The following UBAC2 variants were observed in gnomAD, a reference collection of about 807,000 sequenced individuals.
UBAC2 encodes the protein UBA domain containing 2.
A neutral mutation model predicts 44.0 loss-of-function variants in UBAC2; 26 were observed. That is an observed-to-expected ratio of 0.59 (90% CI 0.43 to 0.82). The LOEUF (loss-of-function observed/expected upper bound fraction) is 0.82, where lower values mean the gene tolerates loss of function less well. Among genes scored for constraint, UBAC2 ranks in the 40% least tolerant of loss-of-function variants. The probability of loss-of-function intolerance (pLI) is 0.00; values close to 1 mark genes in which losing one functional copy is unlikely to be tolerated. For synonymous variants in UBAC2, 155 were observed against 154.3 expected, an observed-to-expected ratio of 1.00 and a Z score of -0.04; for missense variants, 329 against 419.4, an observed-to-expected ratio of 0.78 and a Z score of 1.88.
intron 2 of UBAC2, among the ~76,000 whole-genome samples, chr13:99,239,231 C>T (rs958237706): frequency 2.0e-5 from 3 of 152,214 alleles, no homozygotes; most frequent in East Asian, 3.8e-4. Context: ...TACCATTGCT[C>T]AGATTGGCTT....
intron 8 of UBAC2, among the ~76,000 whole-genome samples, chr13:99,379,476 A>G (rs1031406394): frequency 9.2e-5 from 14 of 152,200 alleles, no homozygotes; most frequent in African/African-American, 2.4e-4. Flanking sequence ...TCTGCAGCCA[A>G]CATGTTGAAT....
chr13:99,295,306 A>G lies in UBAC2; in HGVS notation c.390-18791A>G, dbSNP rs1488630420. The G allele has an allele frequency of 1.9e-6, 3 of 1,614,178 alleles. No individual in the cohort carries two copies. Among genetic ancestry groups the G allele is most frequent in the African/African-American group, 1.3e-5 (1 of 75,056 alleles). ...AAATCTGGAACGAATGTCTTTGGCT[A>G]CATTCCAGGAAATTAGAGAAACGAA... On this transcript the variant is annotated intron_variant, in intron 4 of 8. Coordinates refer to ENST00000403766, the MANE Select transcript of UBAC2 (RefSeq NM_001144072.2). This position sits in a 1 kb window ranked among gnomAD's most constrained non-coding sequence, Gnocchi z 4.1.
At chr13:99,308,360 T>G (rs1270701176) in intron 4 of UBAC2, among the ~76,000 whole-genome samples, 1 of 152,180 alleles carries the variant, frequency 6.6e-6, no homozygotes, top group African/African-American at 2.4e-5. Context: ...TCATTATCCT[T>G]ATGCTTGTGG....
intron 1 of UBAC2, among the ~76,000 whole-genome samples, chr13:99,213,635 C>T: frequency 6.6e-6 from 1 of 152,098 alleles, no homozygotes; most frequent in African/African-American, 2.4e-5. Flanking sequence ...GCTGGGATTA[C>T]AGGCATTAGT....
Position 99,319,050 on chromosome 13 carries a change from A to T in UBAC2, c.561+981A>T, listed in dbSNP as rs143192583. Among the ~76,000 whole-genome samples, 444 of 152,266 alleles carry T rather than the reference A, an allele frequency of 2.9e-3. 2 individuals are homozygous for T. The highest frequency in any genetic ancestry group is 0.01 in the African/African-American group (431 of 41,552). On this transcript the variant is annotated intron_variant, in intron 6 of 8. Coordinates refer to ENST00000403766, the MANE Select transcript of UBAC2 (RefSeq NM_001144072.2). Reference sequence around the variant, plus strand: ...CATTGTCACACGAGGGAAAAAAATAATGCCAACTGGAAAGTCAGGTGGGTT... The same window carrying T: ...CATTGTCACACGAGGGAAAAAAATATTGCCAACTGGAAAGTCAGGTGGGTT...
intron 6 of UBAC2, among the ~76,000 whole-genome samples, chr13:99,322,725 T>C (rs1217805445): frequency 2.0e-5 from 3 of 152,198 alleles, no homozygotes; most frequent in African/African-American, 2.4e-5. Context: ...ACTTCAAATG[T>C]GGTCTGAGTT....
intron 7 of UBAC2, among the ~76,000 whole-genome samples, chr13:99,364,182 G>A (rs1388035716): frequency 4.0e-5 from 6 of 151,636 alleles, no homozygotes; most frequent in South Asian, 2.1e-4. Context: ...GACTTGTGCT[G>A]AATGCAAGAA....
At chr13:99,281,889 CAG>C (rs1406639990) in intron 4 of UBAC2, among the ~76,000 whole-genome samples, 2 of 152,132 alleles carry the variant, frequency 1.3e-5, no homozygotes, top group African/African-American at 4.8e-5. Context: ...TCTCAGTGGC[CAG>C]AGTGTCTTAC....
At chr13:99,272,998 T>C (rs554660318) in intron 4 of UBAC2, among the ~76,000 whole-genome samples, 16 of 152,016 alleles carry the variant, frequency 1.1e-4, no homozygotes, top group African/African-American at 3.6e-4. Context: ...TAGAACAGGT[T>C]ACTCTTTTTT....
chr13:99,215,631 C>G (rs987113730), intron 1 of UBAC2: 31 of 1,326,430 alleles, frequency 2.3e-5, no homozygotes, highest in Non-Finnish European at 3.3e-5. Context: ...ATGTCTGTGA[C>G]CCGTCGTCCT....
At chr13:99,349,531 G>A (rs148397372) in intron 7 of UBAC2, among the ~76,000 whole-genome samples, 130 of 152,296 alleles carry the variant, frequency 8.5e-4, no homozygotes, top group African/African-American at 2.8e-3. Flanking sequence ...ATACAAGACC[G>A]GGGGTCAGGG....
chr13:99,349,674 G>T (rs1422583628), intron 7 of UBAC2, among the ~76,000 whole-genome samples: 1 of 152,228 alleles, frequency 6.6e-6, no homozygotes, highest in Non-Finnish European at 1.5e-5. Context: ...TTTCTTCTAT[G>T]CACTTATAAG....
At chr13:99,343,685 C>G (rs1314558896) in intron 7 of UBAC2, among the ~76,000 whole-genome samples, 1 of 152,190 alleles carries the variant, frequency 6.6e-6, no homozygotes, top group Non-Finnish European at 1.5e-5. Context: ...AAGTTCTCTT[C>G]TAGGGTCCGC....
At chr13:99,244,003 T>C (rs1362464788) in intron 3 of UBAC2, 52 bp downstream of exon 3, 1 of 1,405,094 alleles carries the variant, frequency 7.1e-7, no homozygotes, top group Non-Finnish European at 9.5e-7. Context: ...AAAAAAATTT[T>C]GTTTAAATGG....
At chr13:99,202,156 GAGTT>G (rs1320577297) in intron 1 of UBAC2, among the ~76,000 whole-genome samples, 1 of 151,790 alleles carries the variant, frequency 6.6e-6, no homozygotes, top group Non-Finnish European at 1.5e-5. Flanking sequence ...GTCTGACAGT[GAGTT>G]AGTATCAGCG....
At chr13:99,350,936 G>A (rs982053076) in intron 7 of UBAC2, among the ~76,000 whole-genome samples, 2 of 152,156 alleles carry the variant, frequency 1.3e-5, no homozygotes, top group East Asian at 3.8e-4. Flanking sequence ...GGGGTATGAA[G>A]CCCCCCAGCA....
intron 4 of UBAC2, among the ~76,000 whole-genome samples, chr13:99,299,773 C>T (rs1357454707): frequency 6.6e-6 from 1 of 152,108 alleles, no homozygotes; most frequent in African/African-American, 2.4e-5. Flanking sequence ...ATGTAGAAAC[C>T]TCACAGCAGC....
chr13:99,337,658 G>T (rs565977398), intron 6 of UBAC2, among the ~76,000 whole-genome samples: 102 of 152,082 alleles, frequency 6.7e-4, no homozygotes, highest in Middle Eastern at 3.4e-3. Context: ...TCCCTCTGTT[G>T]TCTTCTTCTG....
At chr13:99,373,767 AAGG>A (rs1378492545) in intron 8 of UBAC2, among the ~76,000 whole-genome samples, 2 of 152,158 alleles carry the variant, frequency 1.3e-5, no homozygotes, top group Non-Finnish European at 2.9e-5. Context: ...GCTGGACAGA[AAGG>A]AGGCCAGACA....
Sources: allele counts gnomAD v4.1 joint callset (sites outside exome capture counted in the v4.1 genomes callset), GRCh38; gene constraint gnomAD v4.1.1; non-coding constraint Gnocchi (gnomAD v3.1); transcripts MANE v1.5; gene names NCBI Gene and HGNC (gene_info 2026-07-23, HGNC 2026-07-21).